The following DARS1 variants were observed in gnomAD, a reference collection of about 807,000 sequenced individuals.
DARS1 encodes aspartyl-tRNA synthetase 1, also known as aspartate--tRNA ligase, cytoplasmic.
DARS1 carries 51 observed loss-of-function variants against 68.8 expected under a neutral mutation model. The observed-to-expected ratio is 0.74, with a 90% CI of 0.59 to 0.94. The LOEUF (loss-of-function observed/expected upper bound fraction) is 0.94. DARS1 is among the 40% of genes least tolerant of loss of function. The pLI, the probability that DARS1 is intolerant of heterozygous loss-of-function variation, is 0.00. For missense variants in DARS1, 607 were observed against 597.3 expected, an observed-to-expected ratio of 1.02 and a Z score of -0.17; for synonymous variants, 203 against 190.4, an observed-to-expected ratio of 1.07 and a Z score of -0.55.
At chr2:135,983,585 G>T (rs972566569) in intron 1 of DARS1, 131 bp from the exon 2 acceptor site, 1 of 530,816 alleles carries the variant, frequency 1.9e-6, no homozygotes, top group African/African-American at 2.0e-5. Flanking sequence ...CAGAAAGTCA[G>T]TAGTTTCATA....
At chr2:135,910,317 C>T (rs1200353380) in intron 15 of DARS1, among the ~76,000 whole-genome samples, 2 of 152,168 alleles carry the variant, frequency 1.3e-5, no homozygotes, top group African/African-American at 4.8e-5. Context: ...CTTTTCTCCA[C>T]ATCCTTACCA....
chr2:135,940,957 T>C (rs1340533220), intron 5 of DARS1, among the ~76,000 whole-genome samples: 7 of 152,152 alleles, frequency 4.6e-5, no homozygotes, highest in African/African-American at 1.7e-4. Context: ...TTACAAGGGA[T>C]GTGAAGGACC....
At chr2:135,961,817 A>C (rs1682108495) in intron 3 of DARS1, among the ~76,000 whole-genome samples, 1 of 152,240 alleles carries the variant, frequency 6.6e-6, no homozygotes, top group Non-Finnish European at 1.5e-5. Context: ...TTATTAAACA[A>C]ATTTCAAGTA....
intron 5 of DARS1, among the ~76,000 whole-genome samples, chr2:135,940,820 T>C (rs1681579061): frequency 6.6e-6 from 1 of 152,214 alleles, no homozygotes; most frequent in Admixed American, 6.5e-5. Flanking sequence ...AGTCTCAGGA[T>C]ACAAAATCAA....
intron 7 of DARS1, among the ~76,000 whole-genome samples, chr2:135,924,806 G>C (rs1681179639): frequency 6.6e-6 from 1 of 152,060 alleles, no homozygotes; most frequent in African/African-American, 2.4e-5. Context: ...CTTGTGAATG[G>C]TCTGTTTTTT....
intron 5 of DARS1, among the ~76,000 whole-genome samples, chr2:135,936,455 G>A (rs1025238414): frequency 2.6e-5 from 4 of 151,916 alleles, no homozygotes; most frequent in Non-Finnish European, 5.9e-5. Flanking sequence ...GAGCGCAGTG[G>A]TGTGATCACA....
intron 4 of DARS1, among the ~76,000 whole-genome samples, chr2:135,951,212 G>C (rs1358143675): frequency 6.6e-6 from 1 of 152,156 alleles, no homozygotes. Context: ...CTGCCCAATG[G>C]ACTTGCCTTC....
At chr2:135,944,778 T>C (rs1681682285) in intron 4 of DARS1, among the ~76,000 whole-genome samples, 1 of 152,160 alleles carries the variant, frequency 6.6e-6, no homozygotes, top group Admixed American at 6.5e-5. Flanking sequence ...GTTACAAAGT[T>C]TTCTAATACT....
intron 5 of DARS1, among the ~76,000 whole-genome samples, chr2:135,935,421 C>T (rs1013365518): frequency 1.4e-5 from 2 of 145,124 alleles, no homozygotes; most frequent in Non-Finnish European, 1.5e-5. Context: ...AGAGTGAAAC[C>T]CCATCTCTAC....
At chr2:135,938,222 C>T (rs1294405595) in intron 5 of DARS1, among the ~76,000 whole-genome samples, 2 of 152,172 alleles carry the variant, frequency 1.3e-5, no homozygotes, top group Non-Finnish European at 1.5e-5. Context: ...TCTCTTCTTG[C>T]TTCATTTCAT....
intron 3 of DARS1, among the ~76,000 whole-genome samples, chr2:135,968,366 C>A (rs1434039922): frequency 6.6e-6 from 1 of 152,168 alleles, no homozygotes; most frequent in Non-Finnish European, 1.5e-5. Flanking sequence ...AACAGAGTAT[C>A]TGAAATTGGG....
intron 5 of DARS1, among the ~76,000 whole-genome samples, chr2:135,941,877 T>C (rs959663165): frequency 1.8e-4 from 28 of 152,212 alleles, no homozygotes; most frequent in African/African-American, 6.3e-4. Flanking sequence ...AAAGAAGACA[T>C]TTATGCAGCC....
intron 11 of DARS1, among the ~76,000 whole-genome samples, chr2:135,915,666 C>T (rs531203306): frequency 2.0e-5 from 3 of 151,924 alleles, no homozygotes; most frequent in Non-Finnish European, 4.4e-5. Flanking sequence ...ATACTAAATA[C>T]TATATATAAT....
At chr2:135,963,398 T>C (rs1420025472) in intron 3 of DARS1, among the ~76,000 whole-genome samples, 1 of 149,004 alleles carries the variant, frequency 6.7e-6, no homozygotes, top group Non-Finnish European at 1.5e-5. Flanking sequence ...TGAGATGGAG[T>C]TTTGCTCTTG....
intron 3 of DARS1, among the ~76,000 whole-genome samples, chr2:135,974,792 G>A (rs1303362408): frequency 3.9e-4 from 60 of 152,016 alleles, no homozygotes; most frequent in Non-Finnish European, 1.5e-5. Context: ...GCCTCTCTTC[G>A]CCTCAAAAAA....
intron 11 of DARS1, chr2:135,914,873 G>T: frequency 6.0e-6 from 1 of 166,332 alleles, no homozygotes; most frequent in South Asian, 1.7e-4. Flanking sequence ...TTCCCTTTTT[G>T]GTACTCTTTA....
chr2:135,953,155 G>A (rs1194679933), intron 4 of DARS1, among the ~76,000 whole-genome samples: 1 of 151,970 alleles, frequency 6.6e-6, no homozygotes, highest in East Asian at 1.9e-4. Context: ...CAGTACATTA[G>A]CACACTCTAC....
chr2:135,937,304 G>T (rs2104813856), intron 5 of DARS1, among the ~76,000 whole-genome samples: 1 of 152,064 alleles, frequency 6.6e-6, no homozygotes, highest in African/African-American at 2.4e-5. Context: ...GATCAGGCTG[G>T]TTTTGAACTC....
In DARS1 at chr2:135,985,520, A is replaced by C; in HGVS notation, c.-52T>G. The C allele has an allele frequency of 6.2e-7, 1 of 1,613,482 alleles. No homozygotes were observed. Among genetic ancestry groups the C allele is most frequent in the South Asian group, 1.1e-5 (1 of 90,892 alleles). On this transcript the variant is annotated 5_prime_UTR_variant, in exon 1 of 16. Coordinates refer to ENST00000264161, the MANE Select transcript of DARS1 (RefSeq NM_001349.4). ...CCACCCTCCCTCGCAGGCTTCCGTA[A>C]GGCAGGCCAAAGGGGCTTCTCCCTC...
Sources: gnomAD v4.1 joint callset for allele counts (sites outside exome capture counted in the v4.1 genomes callset) on GRCh38, gnomAD v4.1.1 for gene constraint, MANE v1.5 for transcripts, NCBI Gene and HGNC (gene_info 2026-07-23, HGNC 2026-07-21) for gene names.